Variants in ANKRD12 observed in about 807,000 individuals in gnomAD.
ANKRD12 encodes ankyrin repeat domain 12, also known as ankyrin repeat domain-containing protein 12.
ANKRD12 carries 85 observed loss-of-function variants against 183.4 expected under a neutral mutation model. The observed-to-expected ratio is 0.46, with a 90% CI of 0.39 to 0.56. The LOEUF (loss-of-function observed/expected upper bound fraction) is 0.56, where lower values mean the gene tolerates loss of function less well. ANKRD12 is among the 20% of genes least tolerant of loss of function. The pLI, the probability that ANKRD12 is intolerant of heterozygous loss-of-function variation, is 0.00. For synonymous variants in ANKRD12, 914 were observed against 800.2 expected (o/e 1.14, Z -2.40); for missense variants, 2,405 against 2,357.1 (o/e 1.02, Z -0.42).
At chr18:9,246,120 T>A (rs2037949027) in intron 8 of ANKRD12, among the ~76,000 whole-genome samples, 1 of 152,226 alleles carries the variant, frequency 6.6e-6, no homozygotes, top group Non-Finnish European at 1.5e-5. Context: ...AACCTTTTAC[T>A]AATGCTTATT....
chr18:9,272,498 G>A (rs1011258571), intron 10 of ANKRD12, among the ~76,000 whole-genome samples: 1 of 151,946 alleles, frequency 6.6e-6, no homozygotes, highest in South Asian at 2.1e-4. Flanking sequence ...GGAGGCGGAG[G>A]TTGCAGTGAG....
At chr18:9,250,468 C>T (rs969452719) in intron 8 of ANKRD12, among the ~76,000 whole-genome samples, 4 of 152,098 alleles carry the variant, frequency 2.6e-5, no homozygotes, top group Non-Finnish European at 5.9e-5. Flanking sequence ...CCTGTATTCC[C>T]AGCACTTTGG....
intron 6 of ANKRD12, among the ~76,000 whole-genome samples, chr18:9,213,055 A>G (rs559431357): frequency 6.6e-6 from 1 of 151,942 alleles, no homozygotes; most frequent in South Asian, 2.1e-4. Context: ...ATTGTACTAC[A>G]GTTTTCATCT....
intron 1 of ANKRD12, among the ~76,000 whole-genome samples, chr18:9,145,876 T>C (rs1254049797): frequency 6.6e-6 from 1 of 152,242 alleles, no homozygotes; most frequent in Non-Finnish European, 1.5e-5. Context: ...AGCACATATC[T>C]GAAGAAGGCA....
intron 1 of ANKRD12, among the ~76,000 whole-genome samples, chr18:9,151,524 T>C (rs746213694): frequency 5.3e-5 from 8 of 152,178 alleles, no homozygotes; most frequent in Non-Finnish European, 1.2e-4. Flanking sequence ...AAAAAGTCTT[T>C]GGTAGATCTC....
intron 1 of ANKRD12, among the ~76,000 whole-genome samples, chr18:9,170,636 C>T: frequency 6.6e-6 from 1 of 152,044 alleles, no homozygotes; most frequent in East Asian, 1.9e-4. Flanking sequence ...CTTTTAACTT[C>T]TTTGCCATTG....
intron 1 of ANKRD12, among the ~76,000 whole-genome samples, chr18:9,161,707 G>T (rs1208752992): frequency 1.3e-5 from 2 of 151,644 alleles, no homozygotes; most frequent in Admixed American, 1.3e-4. Flanking sequence ...AAAGAATTGT[G>T]TATAGTTACG....
chr18:9,188,835 C>G (rs1164341376), intron 2 of ANKRD12, among the ~76,000 whole-genome samples: 1 of 152,232 alleles, frequency 6.6e-6, no homozygotes, highest in Admixed American at 6.5e-5. Flanking sequence ...TGTATGTGTT[C>G]TACTGCTCCA....
At chr18:9,144,852 C>T (rs2078440165) in intron 1 of ANKRD12, among the ~76,000 whole-genome samples, 1 of 151,752 alleles carries the variant, frequency 6.6e-6, no homozygotes, top group Non-Finnish European at 1.5e-5. Flanking sequence ...ATGTAATTTG[C>T]ATATCATATT....
chr18:9,173,630 G>C (rs1050572765), intron 1 of ANKRD12, among the ~76,000 whole-genome samples: 1 of 149,546 alleles, frequency 6.7e-6, no homozygotes, highest in Admixed American at 6.6e-5. Flanking sequence ...GGGGGGGTAG[G>C]GGGGGCAGTA....
intron 2 of ANKRD12, among the ~76,000 whole-genome samples, chr18:9,191,059 G>A (rs1411644913): frequency 6.6e-6 from 1 of 152,054 alleles, no homozygotes; most frequent in Non-Finnish European, 1.5e-5. Context: ...AGATGACAAA[G>A]GCTATCAATA....
intron 1 of ANKRD12, among the ~76,000 whole-genome samples, chr18:9,161,633 T>C (rs1171539307): frequency 2.6e-5 from 4 of 151,796 alleles, no homozygotes; most frequent in Admixed American, 2.0e-4. Context: ...GCCTCGGCCT[T>C]CCAAAGTGCT....
chr18:9,216,913 G>C lies in ANKRD12; in HGVS notation c.795+13G>C, dbSNP rs1344096584. 1.2e-6 allele frequency: 2 copies of C among 1,604,006 alleles called. No homozygotes were observed. The highest frequency in any genetic ancestry group is 3.5e-5 in the Admixed American group (2 of 57,168). On this transcript the variant is annotated intron_variant, in intron 7 of 12. Coordinates refer to ENST00000262126, the MANE Select transcript of ANKRD12 (RefSeq NM_015208.5). ...TGGGCACAGAGATGTAAGTATGATA[G>C]AAAAAAATCAATAATACACATTTGC...
rs1031801006 is a variant in ANKRD12, at chr18:9,275,793, ACT to A, written c.5907+129_5907+130del. On this transcript the variant is annotated intron_variant, in intron 11 of 12. Transcript: ENST00000262126. ...CATTAAAGGTCAAAGAAGAAAAAAA[ACT>A]CTTTCAAGCCAGAGTACTTCCAGAT... The A allele has an allele frequency of 2.2e-5, 21 of 959,254 alleles. No homozygotes were observed. In the South Asian group the frequency reaches 3.1e-4, roughly 14 times the overall value. 59.4% of individuals were successfully genotyped at this position (959,254 alleles called of 1,614,324 possible). A position where few individuals can be genotyped will look rare whatever the true frequency, so the allele number is the denominator to read the frequency against.
intron 8 of ANKRD12, among the ~76,000 whole-genome samples, chr18:9,247,270 C>G (rs1010825188): frequency 6.7e-6 from 1 of 149,540 alleles, no homozygotes; most frequent in African/African-American, 2.5e-5. Flanking sequence ...CTTGAGGCCT[C>G]GAGTTTGAGA....
chr18:9,198,742 GT>G (rs1447208816), intron 3 of ANKRD12, among the ~76,000 whole-genome samples: 1 of 151,952 alleles, frequency 6.6e-6, no homozygotes, highest in African/African-American at 2.4e-5. Flanking sequence ...TAGAGACGGA[GT>G]TTCACCATGT....
rs1267029706 is a variant in ANKRD12 at position 9,263,865 on chromosome 18, C to T, written c.5740C>T (p.Arg1914Cys). 6.7e-7 allele frequency: 1 copy of T among 1,494,424 alleles called. No homozygotes were observed. Among genetic ancestry groups the T allele is most frequent in the Non-Finnish European group, 9.3e-7 (1 of 1,079,660 alleles). 92.6% of individuals were successfully genotyped at this position (1,494,424 alleles called of 1,614,324 possible). Residue 1914 changes from arginine (R) to cysteine (C), a missense_variant, in exon 10 of 13, where the codon CGT (arginine) becomes TGT (cysteine). Transcript: ENST00000262126. Reference protein sequence around the residue: ...RQQEVVRMKLRLQHSIEREKL... With the variant: ...RQQEVVRMKLCLQHSIEREKL... The stretch of plus-strand genomic sequence containing the variant: ...ACAGGAAGTTGTAAGGATGAAACTA[C>T]GTTTGCAACACAGTATTGAAAGGGT...
chr18:9,271,909 G>T (rs1202224805), intron 10 of ANKRD12, among the ~76,000 whole-genome samples: 4 of 152,136 alleles, frequency 2.6e-5, no homozygotes, highest in Non-Finnish European at 5.9e-5. Flanking sequence ...CAGGTTTCTT[G>T]AGGGTGTGAG....
At chr18:9,168,612 T>C (rs1209138141) in intron 1 of ANKRD12, among the ~76,000 whole-genome samples, 1 of 152,206 alleles carries the variant, frequency 6.6e-6, no homozygotes, top group Non-Finnish European at 1.5e-5. Flanking sequence ...TTTTCTCTTT[T>C]CTTCTTTATT....
Sources: gnomAD v4.1 joint callset for allele counts (sites outside exome capture counted in the v4.1 genomes callset) on GRCh38, gnomAD v4.1.1 for gene constraint, MANE v1.5 for transcripts, NCBI Gene and HGNC (gene_info 2026-07-23, HGNC 2026-07-21) for gene names.